SETD3: variants seen among roughly 807,000 people sequenced by gnomAD.
The protein encoded by SETD3 is actin-histidine N-methyltransferase.
SETD3 carries 19 observed loss-of-function variants against 63.0 expected under a neutral mutation model. The ratio of observed to expected loss-of-function variants is 0.30; its 90% CI spans 0.21 to 0.44. The LOEUF (loss-of-function observed/expected upper bound fraction) is 0.44, where lower values mean the gene tolerates loss of function less well. SETD3 is among the 20% of genes least tolerant of loss of function. The pLI, the probability that SETD3 is intolerant of heterozygous loss-of-function variation, is 1.00. For synonymous variants in SETD3, 286 were observed against 264.1 expected (o/e 1.08, Z -0.80); for missense variants, 587 against 728.5 (o/e 0.81, Z 2.24).
chr14:99,470,670 C>T (rs1345217656), intron 1 of SETD3, among the ~76,000 whole-genome samples: 3 of 152,146 alleles, frequency 2.0e-5, no homozygotes, highest in Admixed American at 2.0e-4. Flanking sequence ...GAACTTAAGT[C>T]ACTGAAGGCA....
At chr14:99,480,997 G>C (rs1336445632), upstream of SETD3, 1 of 155,880 alleles carries the variant, frequency 6.4e-6, no homozygotes, top group South Asian at 2.1e-4. Flanking sequence ...CCGGCGTTCC[G>C]TTCGGGGTCC....
intron 8 of SETD3, 55 bp from the exon 9 acceptor site, chr14:99,406,645 C>T: frequency 6.6e-7 from 1 of 1,518,308 alleles, no homozygotes; most frequent in Non-Finnish European, 9.1e-7. Flanking sequence ...GCACATCTCA[C>T]TTAATCTACA....
chr14:99,398,886 G>A lies in SETD3; in HGVS notation c.1578C>T (p.Leu526=), dbSNP rs768462423. 1.3e-5 allele frequency: 21 copies of A among 1,613,956 alleles called. No individual in the cohort carries two copies. Among genetic ancestry groups the A allele is most frequent in the South Asian group, 1.1e-4 (10 of 91,088 alleles). The change falls in exon 13 of 13, where the codon CTC becomes CTT. Residue 526 remains leucine (L), a synonymous_variant. Coordinates refer to ENST00000331768, the MANE Select transcript of SETD3 (RefSeq NM_032233.3). ...CATCCTGCACTCCAGCCTCCTCCTC[G>A]AGGTTTCTCAAGACCAGGGGGAGCC... ...DSRLPLVLRN[L]EEEAGVQDAL...
intron 6 of SETD3, among the ~76,000 whole-genome samples, chr14:99,451,584 G>A (rs988080257): frequency 1.3e-5 from 2 of 152,128 alleles, no homozygotes; most frequent in African/African-American, 4.8e-5. Context: ...ACGGCTCACT[G>A]CAGCCTCAAC....
At chr14:99,437,550 C>T (rs140324995) in intron 6 of SETD3, among the ~76,000 whole-genome samples, 16 of 152,342 alleles carry the variant, frequency 1.1e-4, no homozygotes, top group Admixed American at 2.0e-4. Context: ...CAGCACCTAA[C>T]GACGTTCTTC....
chr14:99,448,433 G>A (rs1296097073), intron 6 of SETD3, among the ~76,000 whole-genome samples: 2 of 152,112 alleles, frequency 1.3e-5, no homozygotes, highest in Non-Finnish European at 2.9e-5. Context: ...GAGCCGCTCC[G>A]ACAGAACAGT....
intron 5 of SETD3, among the ~76,000 whole-genome samples, chr14:99,458,887 C>T (rs1227120114): frequency 1.3e-5 from 2 of 149,406 alleles, no homozygotes; most frequent in African/African-American, 4.9e-5. Flanking sequence ...CCAGTGTACT[C>T]CAGCCTAGGT....
chr14:99,398,885 C>A lies in SETD3; in HGVS notation c.1579G>T (p.Glu527Ter), dbSNP rs749068965. ...GCATCCTGCACTCCAGCCTCCTCCTCGAGGTTTCTCAAGACCAGGGGGAGC... is the reference window on the plus strand; with the variant it reads ...GCATCCTGCACTCCAGCCTCCTCCTAGAGGTTTCTCAAGACCAGGGGGAGC... Reference protein sequence around the residue: ...SRLPLVLRNLEEEAGVQDALN... With the variant: ...SRLPLVLRNL The change falls in exon 13 of 13, where the codon GAG (glutamate) becomes TAG (stop). Residue 527 changes from glutamate (E) to a stop codon, truncating the protein, a stop_gained. Coordinates refer to ENST00000331768, the MANE Select transcript of SETD3 (RefSeq NM_032233.3). LOFTEE classifies it low-confidence loss of function (END_TRUNC). 1 of 1,614,160 alleles carries A rather than the reference C, an allele frequency of 6.2e-7. No individual in the cohort carries two copies. Among genetic ancestry groups the A allele is most frequent in the Non-Finnish European group, 8.5e-7 (1 of 1,179,996 alleles).
At chr14:99,420,617 A>G (rs1375691846) in intron 6 of SETD3, among the ~76,000 whole-genome samples, 3 of 152,174 alleles carry the variant, frequency 2.0e-5, no homozygotes, top group Non-Finnish European at 4.4e-5. Flanking sequence ...ACAGCTTTCC[A>G]CATCCTTCTA....
chr14:99,481,274 C>A (rs529088072), upstream of SETD3: 14 of 394,276 alleles, frequency 3.6e-5, no homozygotes, highest in South Asian at 2.8e-4. Context: ...GCGGGGCGGG[C>A]GGGGAGGAGA....
At chr14:99,438,699 TG>T (rs1893626386) in intron 6 of SETD3, among the ~76,000 whole-genome samples, 1 of 152,192 alleles carries the variant, frequency 6.6e-6, no homozygotes, top group Non-Finnish European at 1.5e-5. Flanking sequence ...TCCCTGCCGC[TG>T]GGGTTGTCAT....
intron 1 of SETD3, among the ~76,000 whole-genome samples, chr14:99,475,571 A>G (rs918689184): frequency 6.6e-6 from 1 of 152,212 alleles, no homozygotes; most frequent in African/African-American, 2.4e-5. Flanking sequence ...TGTCTCCCCA[A>G]AGTTTTGTCT....
intron 6 of SETD3, among the ~76,000 whole-genome samples, chr14:99,456,879 A>G (rs1324615379): frequency 1.3e-5 from 2 of 152,242 alleles, no homozygotes; most frequent in African/African-American, 4.8e-5. Flanking sequence ...AAGACCTGCC[A>G]TCATCCTAGA....
intron 6 of SETD3, among the ~76,000 whole-genome samples, chr14:99,425,708 A>G (rs1023929124): frequency 2.6e-5 from 4 of 152,348 alleles, no homozygotes; most frequent in Non-Finnish European, 1.5e-5. Flanking sequence ...TGCAAGAAAC[A>G]TAAGACAATG....
In SETD3 at chr14:99,477,555, G is replaced by C. The variant is rs1414315728; in HGVS notation, c.-9+3173C>G. 3.3e-5 allele frequency among the ~76,000 whole-genome samples: 5 copies of C among 152,150 alleles called. No individual in the cohort carries two copies. The East Asian group carries it at 9.7e-4, about 29-fold the overall frequency. On this transcript the variant is annotated intron_variant, in intron 1 of 12. Transcript: ENST00000331768. The stretch of plus-strand genomic sequence containing the variant: ...GGATCATCTCAGGTCGGGAGTTCCA[G>C]ACCAGCCTGACCAACATGGAGAAAC...
At chr14:99,450,273 G>A (rs1250030585) in intron 6 of SETD3, among the ~76,000 whole-genome samples, 4 of 152,332 alleles carry the variant, frequency 2.6e-5, no homozygotes, top group South Asian at 4.1e-4. Flanking sequence ...AAGGCCTCAT[G>A]TATTATCAGA....
At chr14:99,445,083 G>C (rs7147843) in intron 6 of SETD3, among the ~76,000 whole-genome samples, 63,776 of 151,894 alleles carry the variant, frequency 0.42, 13,877 homozygotes, top group East Asian at 0.56. Flanking sequence ...GGTAATATGC[G>C]ATGCAAATGC....
chr14:99,450,897 T>C (rs890940630), intron 6 of SETD3, among the ~76,000 whole-genome samples: 4 of 152,134 alleles, frequency 2.6e-5, no homozygotes, highest in African/African-American at 9.7e-5. Context: ...CTCAACAACA[T>C]AGAAAAATGT....
intron 6 of SETD3, among the ~76,000 whole-genome samples, chr14:99,447,117 G>A (rs151095267): frequency 0.01 from 1,574 of 152,142 alleles, 25 homozygotes; most frequent in African/African-American, 0.034. Flanking sequence ...GACTACAGGC[G>A]CACGCCACCA....
Sources: allele counts gnomAD v4.1 joint callset (sites outside exome capture counted in the v4.1 genomes callset), GRCh38; gene constraint gnomAD v4.1.1; transcripts MANE v1.5; gene names NCBI Gene and HGNC (gene_info 2026-07-23, HGNC 2026-07-21).